Variants in SMARCA2 observed in about 807,000 individuals in gnomAD.
SMARCA2 encodes the protein SWI/SNF-related matrix-associated actin-dependent regulator of chromatin subfamily A member 2.
In SMARCA2, 61 loss-of-function variants were observed where a neutral mutation model predicts 199.8. The ratio of observed to expected loss-of-function variants is 0.31; its 90% confidence interval spans 0.25 to 0.38. The LOEUF is 0.38. SMARCA2 is among the 10% of genes least tolerant of loss of function. The pLI, the probability that SMARCA2 is intolerant of heterozygous loss-of-function variation, is 1.00. For missense variants in SMARCA2, 1,344 were observed against 2,012.2 expected (o/e 0.67, Z 6.35); for synonymous variants, 935 against 732.0 (o/e 1.28, Z -4.48).
intron 28 of SMARCA2, 112 bp downstream of exon 28, chr9:2,162,015 T>A: frequency 1.3e-6 from 1 of 782,076 alleles, no homozygotes; most frequent in Non-Finnish European, 2.0e-6. Context: ...AGGTTCTTTC[T>A]AGTTTGTGTT....
chr9:2,141,177 G>C (rs1360755501), intron 27 of SMARCA2, among the ~76,000 whole-genome samples: 1 of 104,032 alleles, frequency 9.6e-6, no homozygotes, highest in Non-Finnish European at 2.0e-5. Context: ...AGCCAAATTA[G>C]ACCCTTTCTC....
intron 19 of SMARCA2, among the ~76,000 whole-genome samples, chr9:2,091,813 G>A: frequency 6.6e-6 from 1 of 152,134 alleles, no homozygotes; most frequent in East Asian, 1.9e-4. Flanking sequence ...GTGCATAGTG[G>A]CGTCTTGTAA....
chr9:2,030,729 G>C (rs1015656252), intron 2 of SMARCA2, among the ~76,000 whole-genome samples: 3 of 152,014 alleles, frequency 2.0e-5, no homozygotes. Flanking sequence ...GCCCAGTCAA[G>C]TTGACACATA....
At chr9:2,113,836 G>A (rs992083531) in intron 24 of SMARCA2, among the ~76,000 whole-genome samples, 1 of 152,172 alleles carries the variant, frequency 6.6e-6, no homozygotes, top group African/African-American at 2.4e-5. Flanking sequence ...TTGGACAAGG[G>A]TCAGCAATCT....
chr9:2,042,455 T>C (rs1386825208), intron 4 of SMARCA2: 3 of 152,230 alleles, frequency 2.0e-5, no homozygotes, highest in East Asian at 1.9e-4. Flanking sequence ...GATTCGAAGA[T>C]ATCAGTTAAG....
At chr9:2,081,729 T>TA in intron 14 of SMARCA2, 103 bp from the exon 15 acceptor site, 2 of 968,456 alleles carry the variant, frequency 2.1e-6, no homozygotes, top group African/African-American at 1.6e-5. Flanking sequence ...AAACCCAACA[T>TA]ACAGCAGTGA....
At chr9:2,160,769 CT>C in intron 27 of SMARCA2, 8 of 395,074 alleles carry the variant, frequency 2.0e-5, no homozygotes, top group South Asian at 1.1e-4. Context: ...ATTTAAAGAT[CT>C]TTTTTTTAGA....
At chr9:2,074,545 G>C (rs10964647) in intron 12 of SMARCA2, among the ~76,000 whole-genome samples, 1 of 152,058 alleles carries the variant, frequency 6.6e-6, no homozygotes, top group African/African-American at 2.4e-5. Flanking sequence ...AATAATAAAA[G>C]TTACATTACA....
intron 14 of SMARCA2, among the ~76,000 whole-genome samples, chr9:2,081,475 G>A (rs764050726): frequency 6.6e-6 from 1 of 152,182 alleles, no homozygotes; most frequent in Admixed American, 6.5e-5. Flanking sequence ...TGCCAAATCT[G>A]CCTTCACATT....
rs560605302 is a variant in SMARCA2 at position 2,190,794 on chromosome 9, T to G, written c.4595-472T>G. ...CTTTTTACTTTCCATTTTGTACCTT[T>G]ATGTTAAAAATATGATTGAACTATT... On this transcript the variant is annotated intron_variant, in intron 32 of 33. Transcript: ENST00000349721. Among the ~76,000 whole-genome samples, 5 of 152,364 alleles carry G rather than the reference T, an allele frequency of 3.3e-5. No homozygotes were observed. The South Asian group carries it at 8.3e-4, about 25-fold the overall frequency.
rs1304153277 is a variant in SMARCA2 at position 2,176,964 on chromosome 9, C to CTTGT, written c.4254-4605_4254-4602dup. ...GGGTCTAGGTGATGATATTTCCAAA[C>CTTGT]TTGTTAGGAATTATCACCAATCAAT... On this transcript the variant is annotated intron_variant, in intron 29 of 33. Coordinates refer to ENST00000349721, the MANE Select transcript of SMARCA2 (RefSeq NM_003070.5). Among the ~76,000 whole-genome samples, 3 of 152,238 alleles carry CTTGT rather than the reference C, an allele frequency of 2.0e-5. No homozygotes were observed. The East Asian group carries it at 5.8e-4, about 29-fold the overall frequency.
At chr9:2,173,548 C>T (rs568259725) in intron 29 of SMARCA2, among the ~76,000 whole-genome samples, 21 of 152,138 alleles carry the variant, frequency 1.4e-4, no homozygotes, top group African/African-American at 4.6e-4. Context: ...TTTTTTCATT[C>T]ATTCTCTGTT....
chr9:2,159,727 C>T, intron 27 of SMARCA2: 2 of 1,507,376 alleles, frequency 1.3e-6, no homozygotes, highest in South Asian at 2.4e-5. Context: ...TATCCACAAT[C>T]CTTTCAGTAT....
intron 24 of SMARCA2, among the ~76,000 whole-genome samples, chr9:2,112,776 C>G (rs1033823163): frequency 4.6e-5 from 7 of 152,110 alleles, no homozygotes; most frequent in Non-Finnish European, 1.0e-4. Flanking sequence ...TCAAATTTTT[C>G]TTTTTCAGGA....
chr9:2,157,712 G>A (rs547508194), intron 27 of SMARCA2: 19 of 387,096 alleles, frequency 4.9e-5, no homozygotes, highest in Admixed American at 8.9e-5. Context: ...CGATGCGCAG[G>A]AGTTGGCTTG....
chr9:2,155,414 C>T (rs1825302944), intron 27 of SMARCA2, among the ~76,000 whole-genome samples: 2 of 152,182 alleles, frequency 1.3e-5, no homozygotes, highest in Middle Eastern at 3.4e-3. Flanking sequence ...TCCCGAGTAG[C>T]TGGGACTACA....
intron 29 of SMARCA2, among the ~76,000 whole-genome samples, chr9:2,178,753 AAAAT>A (rs1826801792): frequency 6.6e-6 from 1 of 152,044 alleles, no homozygotes; most frequent in Non-Finnish European, 1.5e-5. Flanking sequence ...ATTTAGGAAA[AAAAT>A]AAATTACTCC....
intron 1 of SMARCA2, chr9:2,015,886 G>A (rs1028640205): frequency 1.3e-5 from 2 of 152,414 alleles, no homozygotes; most frequent in Non-Finnish European, 1.5e-5. Context: ...GCCGCAGGAG[G>A]GGGAAGGCCT....
intron 9 of SMARCA2, among the ~76,000 whole-genome samples, chr9:2,061,682 C>A (rs975718216): frequency 6.6e-6 from 1 of 152,194 alleles, no homozygotes; most frequent in African/African-American, 2.4e-5. Context: ...GTGGTTGATA[C>A]TGTGTGTTCA....
Sources: gnomAD v4.1 joint callset for allele counts (sites outside exome capture counted in the v4.1 genomes callset) on GRCh38, gnomAD v4.1.1 for gene constraint, MANE v1.5 for transcripts, NCBI Gene and HGNC (gene_info 2026-07-23, HGNC 2026-07-21) for gene names.